Variants in NCAPH2 observed in about 807,000 individuals in gnomAD.
The protein encoded by NCAPH2 is condensin-2 complex subunit H2.
In NCAPH2, 56 loss-of-function variants were observed where a neutral mutation model predicts 88.6. That is an observed-to-expected ratio of 0.63 (90% CI 0.51 to 0.79). The LOEUF is 0.79. Ranked by LOEUF, NCAPH2 falls within the 30% of genes least tolerant of loss-of-function variation. NCAPH2 has a pLI of 0.00. For missense variants in NCAPH2, 794 were observed against 792.0 expected (o/e 1.00, Z -0.03); for synonymous variants, 378 against 313.6 (o/e 1.21, Z -2.17).
At position 50,523,333 on chromosome 22, in the gene NCAPH2, G is replaced by C; in HGVS notation, c.1776G>C (p.Lys592Asn). 1 of 1,572,122 alleles carries C rather than the reference G, an allele frequency of 6.4e-7. No homozygotes were observed. Among genetic ancestry groups the C allele is most frequent in the Non-Finnish European group, 8.6e-7 (1 of 1,158,966 alleles). ...TGCTCACGCACCAGCGAGCGCACAA[G>C]CGCTTCCAGACCTACGCTGCCCCCT... ...LRLLTHQRAH[K>N]RFQTYAAPSM... The change falls in exon 20 of 20, where the codon AAG becomes AAC. Residue 592 changes from lysine to asparagine, a missense_variant. Physicochemically the swap from Lys to Asn is moderately conservative, Grantham distance 94. Coordinates refer to ENST00000420993, the MANE Select transcript of NCAPH2 (RefSeq NM_152299.4).
chr22:50,517,346 G>A, intron 2 of NCAPH2, 81 bp from the exon 3 acceptor site: 2 of 1,464,134 alleles, frequency 1.4e-6, no homozygotes, highest in Non-Finnish European at 1.9e-6. Flanking sequence ...AGGCCTCGTG[G>A]GGGCACCGAT....
chr22:50,524,130 C>T lies in NCAPH2; in HGVS notation c.*755C>T, dbSNP rs770447916. The stretch of plus-strand genomic sequence containing the variant: ...CGCCCTGGCCCACAGCTGCCTGGCG[C>T]AGGGCTTCTGTTCGCTTTTGCTGCT... On this transcript the variant is annotated 3_prime_UTR_variant, in exon 20 of 20. Coordinates refer to ENST00000420993, the MANE Select transcript of NCAPH2 (RefSeq NM_152299.4). 1.9e-6 allele frequency: 3 copies of T among 1,612,630 alleles called. No homozygotes were observed. Among genetic ancestry groups the T allele is most frequent in the Admixed American group, 1.7e-5 (1 of 60,032 alleles).
chr22:50,513,605 A>C (rs1331642169), intron 1 of NCAPH2, among the ~76,000 whole-genome samples: 1 of 152,118 alleles, frequency 6.6e-6, no homozygotes, highest in Middle Eastern at 3.2e-3. Context: ...CTAAAAGTAC[A>C]AAAAAAATTA....
In NCAPH2 at chr22:50,518,150, T is replaced by C. The variant is rs1423148808; in HGVS notation, c.518T>C (p.Leu173Pro). ...CAGCACAGCCGTCAGGGTGAGGTCC[T>C]GGCCAGCCGGAAGGATTTCAGGATG... is the stretch of plus-strand genomic sequence containing the variant. ...NPLYSRQGEVLASRKDFRMNT... is the reference protein window; with the variant it reads ...NPLYSRQGEVPASRKDFRMNT... Residue 173 changes from leucine to proline, a missense_variant, in exon 7 of 20, where the codon CTG becomes CCG. This residue lies in a region of NCAPH2 where 735 missense variants were observed against 696.3 expected (regional missense o/e 1.06). Transcript: ENST00000420993. The C allele has an allele frequency of 1.9e-6, 3 of 1,614,106 alleles. No homozygotes were observed. Among genetic ancestry groups the C allele is most frequent in the Non-Finnish European group, 2.5e-6 (3 of 1,180,004 alleles).
chr22:50,517,688 G>A (rs200126237), intron 4 of NCAPH2, 27 bp downstream of exon 4: 1,231 of 1,614,054 alleles, frequency 7.6e-4, no homozygotes, highest in Non-Finnish European at 9.2e-4. Context: ...TGTGGTCCCC[G>A]CCCACTGTGT....
intron 3 of NCAPH2, 45 bp from the exon 4 acceptor site, chr22:50,517,532 C>T (rs1244155144): frequency 6.8e-6 from 11 of 1,613,922 alleles, no homozygotes; most frequent in South Asian, 3.3e-5. Context: ...GCCAGGGAGG[C>T]CCCTGCAGCT....
intron 1 of NCAPH2, among the ~76,000 whole-genome samples, chr22:50,515,480 T>G (rs1291758404): frequency 6.6e-6 from 1 of 152,072 alleles, no homozygotes; most frequent in Non-Finnish European, 1.5e-5. Flanking sequence ...CACTGCAAGC[T>G]CCGCCTCCCA....
At position 50,524,213 on chromosome 22, in the gene NCAPH2, A is replaced by T. The variant is rs777171930; in HGVS notation, c.*838A>T. On this transcript the variant is annotated 3_prime_UTR_variant, in exon 20 of 20. Transcript: ENST00000420993. ...CAGGCCCCACCGAGTCCAGCCCCGA[A>T]CAGGCCTGTGATCAGCAGCCGGGTT... The T allele has an allele frequency of 1.9e-6, 3 of 1,608,004 alleles. No homozygotes were observed. The Admixed American group carries it at 5.0e-5, about 27-fold the overall frequency.
chr22:50,508,486 T>TGGGGCTGCGGGGCG (rs1569519459), intron 1 of NCAPH2, 41 bp downstream of exon 1: 1 of 130,544 alleles, frequency 7.7e-6, no homozygotes, highest in East Asian at 1.4e-4. Context: ...GGCCGGCGGG[T>TGGGGCTGCGGGGCG]GGGGCTGCGG....
chr22:50,522,485 T>G lies in NCAPH2; in HGVS notation c.1307-16T>G, dbSNP rs747179531. Reference sequence around the variant, plus strand: ...CTAGCTGCCTGCGTGCTGTTCACTCTCCCACCTCCCAGCAGATGACTTTCT... The same window carrying G: ...CTAGCTGCCTGCGTGCTGTTCACTCGCCCACCTCCCAGCAGATGACTTTCT... On this transcript the variant is annotated splice_polypyrimidine_tract_variant and intron_variant, in intron 15 of 19. Coordinates refer to ENST00000420993, the MANE Select transcript of NCAPH2 (RefSeq NM_152299.4). 1 of 1,613,650 alleles carries G rather than the reference T, an allele frequency of 6.2e-7. No homozygotes were observed. The highest frequency in any genetic ancestry group is 8.5e-7 in the Non-Finnish European group (1 of 1,179,986).
chr22:50,513,058 A>G (rs1179320822), intron 1 of NCAPH2, among the ~76,000 whole-genome samples: 2 of 152,234 alleles, frequency 1.3e-5, no homozygotes, highest in Admixed American at 1.3e-4. Flanking sequence ...ATAAATATGC[A>G]TTTGGTGTTT....
intron 8 of NCAPH2, 88 bp downstream of exon 8, chr22:50,518,820 C>T (rs2069002201): frequency 2.4e-6 from 3 of 1,255,424 alleles, no homozygotes; most frequent in Admixed American, 4.5e-5. Flanking sequence ...CTCCAAGGGG[C>T]TGCTCTCAGC....
At chr22:50,517,282 T>C (rs2068950960) in intron 2 of NCAPH2, 145 bp from the exon 3 acceptor site, 1 of 841,382 alleles carries the variant, frequency 1.2e-6, no homozygotes, top group East Asian at 2.4e-5. Context: ...TTGAGAATTA[T>C]TTTTGGAACC....
In NCAPH2 at chr22:50,517,644, C is replaced by CAGG. The variant is rs1249556801; in HGVS notation, c.338_340dup (p.Glu113dup). ...TGGGGTTGCCAGCTCCGGGGTCCCC[C>CAGG]AGGAGGCAGAGAATGAGGTGAGTTT... On this transcript the variant is annotated inframe_insertion, in exon 4 of 20. Coordinates refer to ENST00000420993, the MANE Select transcript of NCAPH2 (RefSeq NM_152299.4). The CAGG allele has an allele frequency of 6.2e-7, 1 of 1,614,150 alleles. No individual in the cohort carries two copies. Among genetic ancestry groups the CAGG allele is most frequent in the Non-Finnish European group, 8.5e-7 (1 of 1,180,020 alleles).
rs1352349370 is a variant in NCAPH2, at chr22:50,512,557, GT to G, written c.109-3878del. On this transcript the variant is annotated intron_variant, in intron 1 of 19. Transcript: ENST00000420993. ...TTTTGTCCTTTGTTTTTTTTTTTTT[GT>G]TTTTTTTTTTTAGATAGGTTCTTGC... Among the ~76,000 whole-genome samples, 40 of 103,406 alleles carry G rather than the reference GT, an allele frequency of 3.9e-4. No individual in the cohort carries two copies. The East Asian group carries it at 5.1e-3, about 13-fold the overall frequency. 67.8% of individuals were successfully genotyped at this position (103,406 alleles called of 152,430 possible). A position where few individuals can be genotyped will look rare whatever the true frequency, so the allele number is the denominator to read the frequency against.
intron 7 of NCAPH2, 74 bp downstream of exon 7, chr22:50,518,352 TGTGCTTGCCACCTCTG>T: frequency 6.4e-7 from 1 of 1,559,430 alleles, no homozygotes; most frequent in Non-Finnish European, 8.7e-7. Context: ...TGGGGTGCCC[TGTGCTTGCCACCTCTG>T]GTCTTGGGAG....
At chr22:50,522,602 G>A (rs1394743420) in intron 16 of NCAPH2, 33 bp downstream of exon 16, 1 of 1,613,576 alleles carries the variant, frequency 6.2e-7, no homozygotes, top group Admixed American at 1.7e-5. Flanking sequence ...GTGCTGAGGG[G>A]CCACTGGAGC....
In NCAPH2 at chr22:50,524,465, C is replaced by T. The variant is rs1416255880; in HGVS notation, c.*1090C>T. ...GGCGTCAGGAGCCAGAAGGGAAGGCCCAGGACAGTGCCTGGGCTGCCCCTG... is the reference window on the plus strand; with the variant it reads ...GGCGTCAGGAGCCAGAAGGGAAGGCTCAGGACAGTGCCTGGGCTGCCCCTG... On this transcript the variant is annotated 3_prime_UTR_variant, in exon 20 of 20. Coordinates refer to ENST00000420993, the MANE Select transcript of NCAPH2 (RefSeq NM_152299.4). 12 of 1,579,978 alleles carry T rather than the reference C, an allele frequency of 7.6e-6. No individual in the cohort carries two copies. Among genetic ancestry groups the T allele is most frequent in the Non-Finnish European group, 1.0e-5 (12 of 1,155,602 alleles).
intron 1 of NCAPH2, among the ~76,000 whole-genome samples, chr22:50,510,916 A>C (rs2068764293): frequency 6.7e-6 from 1 of 148,616 alleles, no homozygotes; most frequent in Non-Finnish European, 1.5e-5. Context: ...GCATGATCTC[A>C]GCTCACTGCA....
Sources: allele counts gnomAD v4.1 joint callset (sites outside exome capture counted in the v4.1 genomes callset), GRCh38; gene constraint gnomAD v4.1.1; regional missense constraint gnomAD v4.1.1; transcripts MANE v1.5; gene names NCBI Gene and HGNC (gene_info 2026-07-23, HGNC 2026-07-21).